SLC9B2: variants seen among roughly 807,000 people sequenced by gnomAD.
SLC9B2 encodes the protein solute carrier family 9 member B2.
Under a neutral mutation model 52.2 loss-of-function variants are expected in SLC9B2, and 39 were observed. The ratio of observed to expected loss-of-function variants is 0.75; its 90% CI spans 0.58 to 0.98. SLC9B2 has a LOEUF of 0.98. SLC9B2 is among the 50% of genes least tolerant of loss of function. SLC9B2 has a pLI of 0.00. For missense variants in SLC9B2, 626 were observed against 637.5 expected (o/e 0.98, Z 0.19); for synonymous variants, 214 against 227.0 (o/e 0.94, Z 0.51).
chr4:103,062,890 T>G (rs536806860), intron 3 of SLC9B2, among the ~76,000 whole-genome samples: 273 of 152,254 alleles, frequency 1.8e-3, no homozygotes, highest in African/African-American at 6.2e-3. Context: ...GATTACAGGT[T>G]TGAGCCACTG....
At chr4:103,058,737 T>C (rs1030246838) in intron 3 of SLC9B2, among the ~76,000 whole-genome samples, 4 of 152,064 alleles carry the variant, frequency 2.6e-5, no homozygotes, top group African/African-American at 4.8e-5. Flanking sequence ...TCCTGCTGCC[T>C]AAAGCATTTC....
downstream of SLC9B2, chr4:103,020,403 A>C (rs990112797): frequency 4.0e-5 from 17 of 422,570 alleles, no homozygotes; most frequent in African/African-American, 2.7e-4. Flanking sequence ...TAAAAGACAA[A>C]AACAACTGTT....
Position 103,032,547 on chromosome 4 carries a change from T to C in SLC9B2, c.1147-739A>G, listed in dbSNP as rs111812197. 9.3e-3 allele frequency among the ~76,000 whole-genome samples: 1,418 copies of C among 152,226 alleles called. 17 individuals are homozygous for C. The highest frequency in any genetic ancestry group is 0.031 in the African/African-American group (1,275 of 41,532). ...GTCAGTAGAGTGTGCTAAAGAGATATTGCAAGCTGAAGGTGCTTTTCTTCC... is the reference window on the plus strand; with the variant it reads ...GTCAGTAGAGTGTGCTAAAGAGATACTGCAAGCTGAAGGTGCTTTTCTTCC... On this transcript the variant is annotated intron_variant, in intron 9 of 11. Coordinates refer to ENST00000394785, the MANE Select transcript of SLC9B2 (RefSeq NM_178833.7).
chr4:103,050,441 T>G, intron 4 of SLC9B2, 59 bp from the exon 5 acceptor site: 1 of 1,450,204 alleles, frequency 6.9e-7, no homozygotes, highest in Non-Finnish European at 9.1e-7. Flanking sequence ...ATATTTTTAG[T>G]ACTTTAATTT....
At chr4:103,051,093 A>T (rs1444627504) in intron 4 of SLC9B2, among the ~76,000 whole-genome samples, 2 of 152,154 alleles carry the variant, frequency 1.3e-5, no homozygotes, top group Non-Finnish European at 2.9e-5. Flanking sequence ...GGGGATTTAG[A>T]GAAGGGGGAA....
At chr4:103,068,870 C>A (rs1351252708) in intron 1 of SLC9B2, among the ~76,000 whole-genome samples, 2 of 152,068 alleles carry the variant, frequency 1.3e-5, no homozygotes, top group African/African-American at 2.4e-5. Context: ...TTAGACAGGA[C>A]CCCTCCCTCA....
intron 8 of SLC9B2, 126 bp from the exon 9 acceptor site, chr4:103,043,571 A>T: frequency 1.2e-6 from 1 of 826,524 alleles, no homozygotes; most frequent in South Asian, 2.0e-5. Flanking sequence ...TAGACAAAAC[A>T]AGTGCACTAC....
intron 3 of SLC9B2, among the ~76,000 whole-genome samples, chr4:103,060,768 C>A (rs889907304): frequency 5.3e-5 from 8 of 152,132 alleles, no homozygotes; most frequent in Non-Finnish European, 1.0e-4. Context: ...CTACCATGTA[C>A]TTAAAAGCTT....
rs1480339992 is a variant in SLC9B2 at position 103,025,050 on chromosome 4, C to T, written c.*1320G>A. Among the ~76,000 whole-genome samples, 1 of 152,172 alleles carries T rather than the reference C, an allele frequency of 6.6e-6. No individual in the cohort carries two copies. The highest frequency in any genetic ancestry group is 2.4e-5 in the African/African-American group (1 of 41,440). ...CAGTGGAAGCTCTGGCCCCGAAAAT[C>T]TGATGTTCCGTTCCTCCTAGGAGTG... On this transcript the variant is annotated 3_prime_UTR_variant, in exon 12 of 12. Coordinates refer to ENST00000394785, the MANE Select transcript of SLC9B2 (RefSeq NM_178833.7).
At chr4:103,030,625 G>A (rs1266231805) in intron 10 of SLC9B2, among the ~76,000 whole-genome samples, 2 of 151,938 alleles carry the variant, frequency 1.3e-5, no homozygotes, top group African/African-American at 4.8e-5. Flanking sequence ...GGTAGAGACG[G>A]GGGGAAGTGA....
chr4:103,046,987 A>G (rs1041452094), intron 7 of SLC9B2, 64 bp downstream of exon 7: 11 of 1,541,732 alleles, frequency 7.1e-6, no homozygotes, highest in Admixed American at 5.7e-5. Flanking sequence ...TGTCATGCTT[A>G]TAACATTTTA....
Position 103,026,597 on chromosome 4 carries a change from A to G in SLC9B2, c.1393-6T>C, listed in dbSNP as rs574502024. 6.9e-6 allele frequency: 11 copies of G among 1,603,418 alleles called. No homozygotes were observed. In the Middle Eastern group the frequency reaches 8.3e-4, roughly 121 times the overall value. Reference sequence around the variant, plus strand: ...GCCACAGATCCTATTGCAGCCTATAAAAGTTTAAGGGTAAAAATGGAATCA... The same window carrying G: ...GCCACAGATCCTATTGCAGCCTATAGAAGTTTAAGGGTAAAAATGGAATCA... On this transcript the variant is annotated splice_polypyrimidine_tract_variant and splice_region_variant and intron_variant, in intron 11 of 11. Coordinates refer to ENST00000394785, the MANE Select transcript of SLC9B2 (RefSeq NM_178833.7).
intron 9 of SLC9B2, among the ~76,000 whole-genome samples, chr4:103,032,981 A>C (rs1742834110): frequency 6.6e-6 from 1 of 152,204 alleles, no homozygotes; most frequent in South Asian, 2.1e-4. Flanking sequence ...TTCACATCTT[A>C]CTAGCCAATA....
intron 9 of SLC9B2, among the ~76,000 whole-genome samples, chr4:103,038,822 CAACA>C (rs1046768480): frequency 6.6e-6 from 1 of 151,928 alleles, no homozygotes; most frequent in Non-Finnish European, 1.5e-5. Context: ...CTAGATTTGA[CAACA>C]GACAAAAAAA....
intron 9 of SLC9B2, chr4:103,042,210 C>A (rs544259498): frequency 1.3e-5 from 2 of 151,954 alleles, no homozygotes; most frequent in Non-Finnish European, 2.9e-5. Context: ...AAATTTGTAA[C>A]GTTTCCATAT....
intron 9 of SLC9B2, among the ~76,000 whole-genome samples, chr4:103,038,351 C>A (rs1281316604): frequency 6.6e-6 from 1 of 152,138 alleles, no homozygotes; most frequent in Admixed American, 6.5e-5. Context: ...TATTTCTAAA[C>A]TGTAGACAAA....
intron 4 of SLC9B2, among the ~76,000 whole-genome samples, chr4:103,057,549 T>G (rs1745263402): frequency 6.6e-6 from 1 of 151,908 alleles, no homozygotes; most frequent in African/African-American, 2.4e-5. Context: ...TCAAGCAATC[T>G]GCCTACCTTG....
At chr4:103,050,123 A>C in intron 5 of SLC9B2, 117 bp downstream of exon 5, 1 of 909,776 alleles carries the variant, frequency 1.1e-6, no homozygotes, top group Non-Finnish European at 1.5e-6. Context: ...TTTTATTCTC[A>C]AGAATGTCAT....
chr4:103,028,773 C>A lies in SLC9B2; in HGVS notation c.1366G>T (p.Ala456Ser). 1 of 1,607,688 alleles carries A rather than the reference C, an allele frequency of 6.2e-7. No homozygotes were observed. Among genetic ancestry groups the A allele is most frequent in the Non-Finnish European group, 8.5e-7 (1 of 1,177,964 alleles). Residue 456 changes from alanine to serine, a missense_variant, in exon 11 of 12, where the codon GCA becomes TCA. Coordinates refer to ENST00000394785, the MANE Select transcript of SLC9B2 (RefSeq NM_178833.7). ...TGAACTGTGGCCTTTGGAAGCCATGCAAAAGAAATAAATATCTTTTCTTTT... is the reference window on the plus strand; with the variant it reads ...TGAACTGTGGCCTTTGGAAGCCATGAAAAAGAAATAAATATCTTTTCTTTT... ...NLKEKIFISF[A>S]WLPKATVQAA...
Sources: allele counts gnomAD v4.1 joint callset (sites outside exome capture counted in the v4.1 genomes callset), GRCh38; gene constraint gnomAD v4.1.1; transcripts MANE v1.5; gene names NCBI Gene and HGNC (gene_info 2026-07-23, HGNC 2026-07-21).